The following SLIT3 variants were observed in gnomAD, a reference collection of about 807,000 sequenced individuals.
SLIT3 encodes the protein slit homolog 3 protein.
SLIT3 carries 68 observed loss-of-function variants against 184.0 expected under a neutral mutation model. The ratio of observed to expected loss-of-function variants is 0.37; its 90% CI spans 0.30 to 0.45. SLIT3 has a LOEUF of 0.45. Among genes scored for constraint, SLIT3 ranks in the 20% least tolerant of loss-of-function variants. SLIT3 has a pLI of 1.00. For synonymous variants in SLIT3, 831 were observed against 828.6 expected, an observed-to-expected ratio of 1.00 and a Z score of -0.05; for missense variants, 1,707 against 2,026.0, an observed-to-expected ratio of 0.84 and a Z score of 3.02.
At chr5:169,028,691 C>T (rs1298332073) in intron 4 of SLIT3, among the ~76,000 whole-genome samples, 1 of 152,142 alleles carries the variant, frequency 6.6e-6, no homozygotes, top group Non-Finnish European at 1.5e-5. Flanking sequence ...ATTTTCATTT[C>T]CCCCAAAAGG....
intron 3 of SLIT3, among the ~76,000 whole-genome samples, chr5:169,244,345 G>A (rs1190487263): frequency 6.6e-6 from 1 of 152,238 alleles, no homozygotes; most frequent in African/African-American, 2.4e-5. Context: ...ACTATCTGAT[G>A]CCAGATCTCA....
intron 3 of SLIT3, among the ~76,000 whole-genome samples, chr5:169,225,821 G>C (rs1764788299): frequency 6.6e-6 from 1 of 152,354 alleles, no homozygotes; most frequent in South Asian, 2.1e-4. Context: ...GAGCACCATG[G>C]CAGGGAACCA....
At chr5:169,055,681 A>T (rs546202215) in intron 4 of SLIT3, among the ~76,000 whole-genome samples, 10 of 152,124 alleles carry the variant, frequency 6.6e-5, no homozygotes, top group Non-Finnish European at 1.5e-4. Context: ...TCTACTAAAA[A>T]TACAAAAATT....
At chr5:169,232,586 T>C (rs1196571302) in intron 3 of SLIT3, among the ~76,000 whole-genome samples, 1 of 152,202 alleles carries the variant, frequency 6.6e-6, no homozygotes, top group African/African-American at 2.4e-5. Flanking sequence ...GTAATTGATT[T>C]ATGAATGGCA....
intron 4 of SLIT3, among the ~76,000 whole-genome samples, chr5:169,095,981 C>A (rs924341414): frequency 1.3e-5 from 2 of 152,220 alleles, no homozygotes; most frequent in African/African-American, 4.8e-5. Flanking sequence ...TCTCTATTGA[C>A]AAAAACCTCT....
intron 14 of SLIT3, among the ~76,000 whole-genome samples, chr5:168,770,167 G>C (rs967506414): frequency 1.3e-5 from 2 of 152,178 alleles, no homozygotes; most frequent in African/African-American, 4.8e-5. Flanking sequence ...CTGATGGTCA[G>C]ATTACCCCAG....
intron 15 of SLIT3, among the ~76,000 whole-genome samples, 162 bp from the exon 16 acceptor site, chr5:168,761,098 G>A (rs1315837724): frequency 6.6e-6 from 1 of 152,170 alleles, no homozygotes; most frequent in Non-Finnish European, 1.5e-5. Context: ...GGGCCCAGCA[G>A]TTTGGGGAGG....
At chr5:169,143,374 A>G (rs1581454009) in intron 4 of SLIT3, among the ~76,000 whole-genome samples, 1 of 152,372 alleles carries the variant, frequency 6.6e-6, no homozygotes, top group Admixed American at 6.5e-5. Context: ...AAGAGGTTAA[A>G]TACCATCATC....
intron 9 of SLIT3, among the ~76,000 whole-genome samples, chr5:168,804,948 G>C (rs12520756): frequency 0.15 from 22,607 of 152,162 alleles, 2,016 homozygotes; most frequent in East Asian, 0.29. Context: ...CCACTCCAGC[G>C]TCAGGGCCTT....
intron 5 of SLIT3, among the ~76,000 whole-genome samples, chr5:168,873,545 G>A (rs369736404): frequency 5.5e-4 from 83 of 151,946 alleles, no homozygotes; most frequent in African/African-American, 1.2e-3. Flanking sequence ...GCAGAAGATC[G>A]CTTGAGCCCA....
intron 3 of SLIT3, among the ~76,000 whole-genome samples, chr5:169,242,723 T>G (rs1390637306): frequency 6.6e-6 from 1 of 152,152 alleles, no homozygotes; most frequent in Admixed American, 6.5e-5. Context: ...TGAGGGTTTA[T>G]CTAGCACAGC....
chr5:168,779,990 A>T (rs927767720), intron 12 of SLIT3, among the ~76,000 whole-genome samples: 1 of 152,240 alleles, frequency 6.6e-6, no homozygotes. Context: ...CCGCTCTTCA[A>T]TGAAGGTTGC....
At chr5:168,732,974 TAAACTA>T (rs1040732533) in intron 20 of SLIT3, among the ~76,000 whole-genome samples, 3 of 152,026 alleles carry the variant, frequency 2.0e-5, no homozygotes, top group African/African-American at 7.2e-5. Flanking sequence ...AAATGGGACT[TAAACTA>T]AAAAGCTTCT....
chr5:169,286,404 A>G (rs915009776), intron 1 of SLIT3, among the ~76,000 whole-genome samples: 3 of 152,158 alleles, frequency 2.0e-5, no homozygotes, highest in Non-Finnish European at 4.4e-5. Context: ...CACTTCCCGA[A>G]GCAGCTGTCC....
At chr5:169,177,214 C>G (rs137952922) in intron 4 of SLIT3, among the ~76,000 whole-genome samples, 2 of 152,156 alleles carry the variant, frequency 1.3e-5, no homozygotes, top group East Asian at 3.9e-4. Flanking sequence ...AGCAATCAGA[C>G]GGCCAGGAGC....
chr5:169,047,012 T>A (rs1478491923), intron 4 of SLIT3, among the ~76,000 whole-genome samples: 1 of 152,182 alleles, frequency 6.6e-6, no homozygotes, highest in Non-Finnish European at 1.5e-5. Context: ...TTATTGTTAC[T>A]GTCAAGTTCA....
At position 168,823,471 on chromosome 5, in the gene SLIT3, A is replaced by G. The variant is rs1757603378; in HGVS notation, c.558-140T>C. On this transcript the variant is annotated intron_variant, in intron 6 of 35. Coordinates refer to ENST00000519560, the MANE Select transcript of SLIT3 (RefSeq NM_003062.4). ...CATGGCCCAGCCAGTGGAGCAGCTG[A>G]AGACAAGTGGACAGGTCTCCAGACG... The G allele has an allele frequency of 9.4e-6, 7 of 746,820 alleles. No individual in the cohort carries two copies. In the South Asian group the frequency reaches 1.0e-4, roughly 11 times the overall value. 46.3% of individuals were successfully genotyped at this position (746,820 alleles called of 1,614,324 possible).
chr5:168,877,703 G>C (rs1321875918), intron 5 of SLIT3, among the ~76,000 whole-genome samples: 2 of 152,182 alleles, frequency 1.3e-5, no homozygotes, highest in Non-Finnish European at 2.9e-5. Context: ...TGCCTGCCCA[G>C]CTTTGTTTTC....
chr5:169,040,515 TC>T (rs1355219284), intron 4 of SLIT3, among the ~76,000 whole-genome samples: 2 of 152,184 alleles, frequency 1.3e-5, no homozygotes, highest in South Asian at 4.1e-4. Flanking sequence ...TAAACCCTCA[TC>T]CCCATCCTGC....
Sources: gnomAD v4.1 joint callset for allele counts (sites outside exome capture counted in the v4.1 genomes callset) on GRCh38, gnomAD v4.1.1 for gene constraint, MANE v1.5 for transcripts, NCBI Gene and HGNC (gene_info 2026-07-23, HGNC 2026-07-21) for gene names.